Variants in WDR62 observed in about 807,000 individuals in gnomAD.
WDR62 encodes the protein WD repeat-containing protein 62.
WDR62 carries 112 observed loss-of-function variants against 160.6 expected under a neutral mutation model. The observed-to-expected ratio is 0.70, with a 90% CI of 0.60 to 0.82. The LOEUF (loss-of-function observed/expected upper bound fraction) is 0.82, where lower values mean the gene tolerates loss of function less well. Among genes scored for constraint, WDR62 ranks in the 40% least tolerant of loss-of-function variants. The probability of loss-of-function intolerance (pLI) is 0.00; values close to 1 mark genes in which losing one functional copy is unlikely to be tolerated. For missense variants in WDR62, 1,819 were observed against 1,983.8 expected (o/e 0.92, Z 1.58); for synonymous variants, 792 against 815.1 (o/e 0.97, Z 0.48).
At chr19:36,082,993 T>A in intron 10 of WDR62, 70 bp from the exon 11 acceptor site, 1 of 1,392,592 alleles carries the variant, frequency 7.2e-7, no homozygotes, top group Non-Finnish European at 1.0e-6. Context: ...AGAGACTGGC[T>A]ATGGAGGGAC....
At chr19:36,074,785 A>G (rs116901985) in intron 9 of WDR62, among the ~76,000 whole-genome samples, 5,453 of 152,212 alleles carry the variant, frequency 0.036, 143 homozygotes, top group East Asian at 0.11. Flanking sequence ...TCCTGTATGA[A>G]ATTTTTAAAA....
At chr19:36,090,288 C>T (rs982329723) in intron 15 of WDR62, among the ~76,000 whole-genome samples, 157 bp from the exon 16 acceptor site, 31 of 152,150 alleles carry the variant, frequency 2.0e-4, no homozygotes, top group Admixed American at 1.1e-3. Context: ...CCAGGACAAC[C>T]TCAGCTTGAG....
intron 12 of WDR62, among the ~76,000 whole-genome samples, chr19:36,085,261 G>A (rs1972142522): frequency 6.6e-6 from 1 of 151,740 alleles, no homozygotes; most frequent in African/African-American, 2.4e-5. Flanking sequence ...GATTACAGGT[G>A]CCTGCTGCCA....
chr19:36,066,421 C>T lies in WDR62; in HGVS notation c.555C>T (p.Asp185=), dbSNP rs1440884106. 12 of 1,599,650 alleles carry T rather than the reference C, an allele frequency of 7.5e-6. No homozygotes were observed. Among genetic ancestry groups the T allele is most frequent in the Non-Finnish European group, 1.0e-5 (12 of 1,173,346 alleles). The change falls in exon 5 of 32, where the codon GAC becomes GAT. Residue 185 remains aspartate (D), a synonymous_variant. Transcript: ENST00000401500. ...YQHDMVLNVW[D]WKKDIVVASN... Reference sequence around the variant, plus strand: ...ATGACATGGTGCTCAACGTCTGGGACTGGAAGGTAAGAGCCGACCAGCAGG... The same window carrying T: ...ATGACATGGTGCTCAACGTCTGGGATTGGAAGGTAAGAGCCGACCAGCAGG...
intron 10 of WDR62, 45 bp downstream of exon 10, chr19:36,081,615 C>CCT (rs748230298): frequency 5.0e-6 from 8 of 1,613,736 alleles, no homozygotes; most frequent in Non-Finnish European, 6.8e-6. Context: ...GGAACAAAGA[C>CCT]CTACTGTAAG....
chr19:36,090,421 C>T lies in WDR62; in HGVS notation c.1959-24C>T, dbSNP rs199640845. Reference sequence around the variant, plus strand: ...GTGGGGTAGGCGGGGCCCTGTTGGCCGCAACATGCCCCTACTTCCCCAGAG... The same window carrying T: ...GTGGGGTAGGCGGGGCCCTGTTGGCTGCAACATGCCCCTACTTCCCCAGAG... On this transcript the variant is annotated intron_variant, in intron 15 of 31. Coordinates refer to ENST00000401500, the MANE Select transcript of WDR62 (RefSeq NM_001083961.2). 2.6e-4 allele frequency: 415 copies of T among 1,613,150 alleles called. 2 individuals carry two copies. In the African/African-American group the frequency reaches 4.5e-3, roughly 17 times the overall value.
intron 2 of WDR62, 147 bp from the exon 3 acceptor site, chr19:36,059,821 C>G (rs535128204): frequency 2.5e-6 from 2 of 810,360 alleles, no homozygotes; most frequent in African/African-American, 3.4e-5. Flanking sequence ...GAATTCTCAG[C>G]GTAAACACCT....
chr19:36,101,339 A>T, intron 24 of WDR62, 22 bp downstream of exon 24: 1 of 1,589,890 alleles, frequency 6.3e-7, no homozygotes, highest in Non-Finnish European at 8.6e-7. Context: ...GCAGGCAGGG[A>T]CCCTGTGACA....
intron 13 of WDR62, 76 bp from the exon 14 acceptor site, chr19:36,088,962 C>T (rs2145765449): frequency 6.6e-7 from 1 of 1,516,078 alleles, no homozygotes; most frequent in Non-Finnish European, 9.1e-7. Context: ...ATGGCTCTTG[C>T]AGTGGAGTTC....
intron 11 of WDR62, among the ~76,000 whole-genome samples, chr19:36,084,107 C>T (rs966447765): frequency 4.6e-5 from 7 of 152,080 alleles, no homozygotes; most frequent in African/African-American, 1.7e-4. Flanking sequence ...TGATTTAATC[C>T]TCTCACTGAC....
chr19:36,077,358 G>A (rs1971634479), intron 9 of WDR62, among the ~76,000 whole-genome samples: 1 of 140,376 alleles, frequency 7.1e-6, no homozygotes, highest in Non-Finnish European at 1.5e-5. Flanking sequence ...TCGGCTCACT[G>A]CAAGCTCCGC....
chr19:36,078,006 A>C (rs1487442854), intron 9 of WDR62, among the ~76,000 whole-genome samples: 2 of 152,200 alleles, frequency 1.3e-5, no homozygotes, highest in African/African-American at 2.4e-5. Context: ...TCAGCACTTC[A>C]TGCCTTTTTA....
chr19:36,066,693 G>A (rs1385269187), intron 5 of WDR62, among the ~76,000 whole-genome samples: 1 of 152,164 alleles, frequency 6.6e-6, no homozygotes, highest in Non-Finnish European at 1.5e-5. Context: ...TTCCTCCTCT[G>A]TTAGATGGAT....
Position 36,101,745 on chromosome 19 carries a change from G to T in WDR62, c.3053G>T (p.Arg1018Leu), listed in dbSNP as rs900306853. Residue 1018 changes from arginine to leucine, a missense_variant, in exon 25 of 32, where the codon CGG becomes CTG. Around this residue, in one of 3 missense-constraint regions of WDR62, gnomAD observed 770 missense variants for 734.2 expected, o/e 1.05. Coordinates refer to ENST00000401500, the MANE Select transcript of WDR62 (RefSeq NM_001083961.2). ...SPAPPPDPAP[R>L]FATSLPHFPG... ...GCTCCGCCTCCTGACCCTGCCCCTC[G>T]GTTTGCCACGTCGCTGCCCCATTTC... 6.4e-7 allele frequency: 1 copy of T among 1,551,968 alleles called. No individual in the cohort carries two copies. The highest frequency in any genetic ancestry group is 8.7e-7 in the Non-Finnish European group (1 of 1,147,296).
chr19:36,098,627 G>A (rs1404600554), intron 21 of WDR62, among the ~76,000 whole-genome samples: 1 of 151,998 alleles, frequency 6.6e-6, no homozygotes, highest in Non-Finnish European at 1.5e-5. Flanking sequence ...GTGAATGAAG[G>A]ATGATCCCAA....
rs1568356279 is a variant in WDR62, at chr19:36,091,142, C to T, written c.2035-58C>T. 4 of 1,479,742 alleles carry T rather than the reference C, an allele frequency of 2.7e-6. No individual in the cohort carries two copies. The African/African-American group carries it at 5.5e-5, about 20-fold the overall frequency. 91.7% of individuals were successfully genotyped at this position (1,479,742 alleles called of 1,614,324 possible). A position where few individuals can be genotyped will look rare whatever the true frequency, so the allele number is the denominator to read the frequency against. ...AGCACGGGGGAGGGAGGGGCCCAGG[C>T]CTCATCATAAGGAAGAAGCAGGCAG... On this transcript the variant is annotated intron_variant, in intron 16 of 31. Transcript: ENST00000401500.
chr19:36,092,763 G>GGCA lies in WDR62; in HGVS notation c.2298_2300dup (p.Gln766dup), dbSNP rs375277875. 3.2e-5 allele frequency: 51 copies of GGCA among 1,613,148 alleles called. No homozygotes were observed. The highest frequency in any genetic ancestry group is 8.0e-5 in the African/African-American group (6 of 74,830). On this transcript the variant is annotated inframe_insertion, in exon 19 of 32. Coordinates refer to ENST00000401500, the MANE Select transcript of WDR62 (RefSeq NM_001083961.2). ...CAGCACTTGCTGGAGATTGACCACCGGCAGCAGCAGCAGCACACAAATGAC... is the reference window on the plus strand; with the variant it reads ...CAGCACTTGCTGGAGATTGACCACCGGCAGCAGCAGCAGCAGCACACAAATGAC...
At chr19:36,069,223 C>T (rs1659048340) in intron 7 of WDR62, among the ~76,000 whole-genome samples, 1 of 151,700 alleles carries the variant, frequency 6.6e-6, no homozygotes, top group Non-Finnish European at 1.5e-5. Context: ...AGACGCTCCT[C>T]ACTTCCCAGA....
At chr19:36,094,622 G>T (rs1197648986) in intron 20 of WDR62, among the ~76,000 whole-genome samples, 1 of 151,850 alleles carries the variant, frequency 6.6e-6, no homozygotes, top group Admixed American at 6.6e-5. Flanking sequence ...TAGCGTGGTG[G>T]CTCACACCTG....
Sources: gnomAD v4.1 joint callset for allele counts (sites outside exome capture counted in the v4.1 genomes callset) on GRCh38, gnomAD v4.1.1 for gene constraint, gnomAD v4.1.1 regional missense constraint, MANE v1.5 for transcripts, NCBI Gene and HGNC (gene_info 2026-07-23, HGNC 2026-07-21) for gene names.